The following PLCB1 variants were observed in gnomAD, a reference collection of about 807,000 sequenced individuals.
The protein encoded by PLCB1 is phospholipase C beta 1.
Under a neutral mutation model 161.8 loss-of-function variants are expected in PLCB1, and 46 were observed. The observed-to-expected ratio is 0.28, with a 90% CI of 0.22 to 0.36. The LOEUF (loss-of-function observed/expected upper bound fraction) is 0.36, where lower values mean the gene tolerates loss of function less well. PLCB1 is among the 10% of genes least tolerant of loss of function. The pLI is 1.00. For missense variants in PLCB1, 1,016 were observed against 1,472.5 expected, an observed-to-expected ratio of 0.69 and a Z score of 5.07; for synonymous variants, 517 against 503.7, an observed-to-expected ratio of 1.03 and a Z score of -0.35.
At chr20:8,391,915 G>A (rs1313317742) in intron 3 of PLCB1, among the ~76,000 whole-genome samples, 1 of 150,258 alleles carries the variant, frequency 6.7e-6, no homozygotes, top group African/African-American at 2.4e-5. Context: ...ACATGTTCCA[G>A]CAGGGGAAAA....
chr20:8,378,629 G>A lies in PLCB1; in HGVS notation c.246+7179G>A, dbSNP rs112571043. ...AGTGATTGCTGAAGATTAGGGTAGT[G>A]GTGACAATTTCTTAAAATAAGACAA... On this transcript the variant is annotated intron_variant, in intron 3 of 31. Transcript: ENST00000338037. 9.9e-5 allele frequency among the ~76,000 whole-genome samples: 15 copies of A among 152,252 alleles called. 1 individual carries two copies. The highest frequency in any genetic ancestry group is 3.4e-3 in the Middle Eastern group (1 of 294).
chr20:8,360,709 C>T (rs753987799), intron 2 of PLCB1, among the ~76,000 whole-genome samples: 2 of 152,172 alleles, frequency 1.3e-5, no homozygotes, highest in African/African-American at 2.4e-5. Context: ...TTCCGTCTGT[C>T]TTGCCAGAAA....
intron 3 of PLCB1, 102 bp downstream of exon 3, chr20:8,371,552 ATGT>A (rs1413642346): frequency 2.6e-6 from 2 of 763,854 alleles, no homozygotes; most frequent in African/African-American, 1.7e-5. Context: ...TATGTTATAG[ATGT>A]TGTAAAACAC....
intron 3 of PLCB1, among the ~76,000 whole-genome samples, chr20:8,458,058 G>A (rs1600415371): frequency 6.6e-6 from 1 of 152,160 alleles, no homozygotes; most frequent in Non-Finnish European, 1.5e-5. Flanking sequence ...TTCCAGGTAC[G>A]CTGTGGCATG....
chr20:8,759,216 G>C (rs1188391137), intron 24 of PLCB1, among the ~76,000 whole-genome samples: 1 of 152,126 alleles, frequency 6.6e-6, no homozygotes, highest in Non-Finnish European at 1.5e-5. Flanking sequence ...ATTTTGACAA[G>C]AGCACCATGC....
chr20:8,291,641 C>T (rs866513841), intron 2 of PLCB1, among the ~76,000 whole-genome samples: 2 of 152,174 alleles, frequency 1.3e-5, no homozygotes, highest in African/African-American at 4.8e-5. Context: ...CTCGATGGCA[C>T]ATTTTCATTT....
intron 3 of PLCB1, among the ~76,000 whole-genome samples, chr20:8,408,359 A>C (rs535313796): frequency 6.6e-6 from 1 of 152,144 alleles, no homozygotes; most frequent in Non-Finnish European, 1.5e-5. Flanking sequence ...GCTGCAGTAC[A>C]TGAGGATCAC....
intron 3 of PLCB1, among the ~76,000 whole-genome samples, chr20:8,578,531 G>C (rs7265652): frequency 6.6e-6 from 1 of 152,292 alleles, no homozygotes. Flanking sequence ...TTTGCAAGAA[G>C]AGTAAACATA....
chr20:8,210,872 TAGA>T (rs1219322738), intron 2 of PLCB1, among the ~76,000 whole-genome samples: 5 of 152,170 alleles, frequency 3.3e-5, no homozygotes, highest in Non-Finnish European at 7.4e-5. Context: ...TGAATTGAGA[TAGA>T]AGAGGCACAA....
chr20:8,745,237 G>A (rs1324939283), intron 23 of PLCB1, among the ~76,000 whole-genome samples: 2 of 152,138 alleles, frequency 1.3e-5, no homozygotes, highest in African/African-American at 2.4e-5. Flanking sequence ...TTGAGCATCA[G>A]TGTGTCTTTT....
intron 2 of PLCB1, among the ~76,000 whole-genome samples, chr20:8,274,833 A>G (rs1466270968): frequency 6.6e-6 from 1 of 152,106 alleles, no homozygotes; most frequent in Non-Finnish European, 1.5e-5. Flanking sequence ...TCTAGCACTA[A>G]ATATTGCTGT....
chr20:8,443,346 A>T (rs1980658448), intron 3 of PLCB1, among the ~76,000 whole-genome samples: 1 of 152,140 alleles, frequency 6.6e-6, no homozygotes, highest in Admixed American at 6.5e-5. Flanking sequence ...GTTTTTCTCA[A>T]ATGTAAAATT....
intron 31 of PLCB1, among the ~76,000 whole-genome samples, chr20:8,820,831 G>A (rs1159871928): frequency 1.3e-5 from 2 of 151,902 alleles, no homozygotes; most frequent in East Asian, 3.9e-4. Context: ...ATAACAACTT[G>A]GATAAATTTC....
intron 3 of PLCB1, among the ~76,000 whole-genome samples, chr20:8,615,021 ATAAGCATT>A (rs1316447825): frequency 6.6e-6 from 1 of 152,200 alleles, no homozygotes; most frequent in African/African-American, 2.4e-5. Flanking sequence ...CCATGTAGAA[ATAAGCATT>A]GTTAATATTA....
intron 3 of PLCB1, among the ~76,000 whole-genome samples, chr20:8,573,531 C>G (rs1049637467): frequency 6.6e-6 from 1 of 152,190 alleles, no homozygotes; most frequent in Non-Finnish European, 1.5e-5. Context: ...ACACATACCT[C>G]TGTTTTGCAA....
intron 3 of PLCB1, among the ~76,000 whole-genome samples, chr20:8,432,424 A>AATCCT (rs1240343074): frequency 1.3e-5 from 2 of 152,280 alleles, no homozygotes; most frequent in East Asian, 1.9e-4. Flanking sequence ...ACATAAATCC[A>AATCCT]ATCCTATCCT....
At chr20:8,552,342 C>T (rs1340452995) in intron 3 of PLCB1, among the ~76,000 whole-genome samples, 1 of 152,302 alleles carries the variant, frequency 6.6e-6, no homozygotes, top group South Asian at 2.1e-4. Context: ...GTTCTTTTAA[C>T]TCAGTCTTTA....
At chr20:8,282,785 C>G (rs1285532273) in intron 2 of PLCB1, among the ~76,000 whole-genome samples, 1 of 151,912 alleles carries the variant, frequency 6.6e-6, no homozygotes, top group African/African-American at 2.4e-5. Context: ...TTTAATTAAA[C>G]TCCTACTTCT....
At chr20:8,734,829 G>C (rs2123506084) in intron 19 of PLCB1, among the ~76,000 whole-genome samples, 1 of 151,814 alleles carries the variant, frequency 6.6e-6, no homozygotes, top group South Asian at 2.1e-4. Context: ...GTAATTTTTT[G>C]ATTAACCTTA....
Sources: allele counts gnomAD v4.1 joint callset (sites outside exome capture counted in the v4.1 genomes callset), GRCh38; gene constraint gnomAD v4.1.1; transcripts MANE v1.5; gene names NCBI Gene and HGNC (gene_info 2026-07-23, HGNC 2026-07-21).